The following PML variants were observed in gnomAD, a reference collection of about 807,000 sequenced individuals.
PML encodes protein PML.
PML carries 28 observed loss-of-function variants against 65.2 expected under a neutral mutation model. The observed-to-expected ratio is 0.43, with a 90% CI of 0.32 to 0.59. The LOEUF (loss-of-function observed/expected upper bound fraction) is 0.59. Among genes scored for constraint, PML ranks in the 20% least tolerant of loss-of-function variants. The probability of loss-of-function intolerance (pLI) is 0.08; values close to 1 mark genes in which losing one functional copy is unlikely to be tolerated. For missense variants in PML, 1,021 were observed against 1,203.4 expected (o/e 0.85, Z 2.24); for synonymous variants, 500 against 508.8 (o/e 0.98, Z 0.23).
At chr15:73,999,409 T>G (rs1044585348) in intron 2 of PML, among the ~76,000 whole-genome samples, 3 of 152,226 alleles carry the variant, frequency 2.0e-5, no homozygotes, top group African/African-American at 7.2e-5. Flanking sequence ...ACATATTTGC[T>G]GAACTACATA....
At chr15:74,000,693 T>C (rs2069721557) in intron 2 of PML, among the ~76,000 whole-genome samples, 1 of 152,228 alleles carries the variant, frequency 6.6e-6, no homozygotes, top group Admixed American at 6.5e-5. Flanking sequence ...TTTACTATAT[T>C]TTTGAATTTG....
intron 2 of PML, among the ~76,000 whole-genome samples, chr15:74,006,728 C>A (rs1165370393): frequency 6.6e-6 from 1 of 152,102 alleles, no homozygotes; most frequent in Non-Finnish European, 1.5e-5. Flanking sequence ...GCATGCTGTA[C>A]AATCATGGCA....
In PML at chr15:74,046,980, C is replaced by G; in HGVS notation, c.*1972C>G. The stretch of plus-strand genomic sequence containing the variant: ...TGAGCCTTAAGCATGTGAATCCCCC[C>G]ACATGACAAGTGGGGAGACCCAGGG... On this transcript the variant is annotated 3_prime_UTR_variant, in exon 9 of 9. Transcript: ENST00000268058. 1 of 229,772 alleles carries G rather than the reference C, an allele frequency of 4.4e-6. No homozygotes were observed. The allele number at this position is 229,772 out of a possible 1,614,324, so 14.2% of individuals were successfully genotyped here.
rs2071536806 is a variant in PML at position 74,035,873 on chromosome 15, A to G, written c.1710+1343A>G. On this transcript the variant is annotated intron_variant, in intron 7 of 8. Transcript: ENST00000268058. The surrounding 1 kb of genome is among the most constrained non-coding windows in gnomAD (Gnocchi z 4.1). ...TCCAAGTGCCTCTGGAAGCCTCTCC[A>G]ATTACATTCCCACCACCCTGTGCCC... 6.2e-7 allele frequency: 1 copy of G among 1,613,692 alleles called. No individual in the cohort carries two copies. Among genetic ancestry groups the G allele is most frequent in the East Asian group, 2.2e-5 (1 of 44,834 alleles).
chr15:74,034,134 A>G (rs1052068857), intron 6 of PML: 1 of 418,540 alleles, frequency 2.4e-6, no homozygotes, highest in Admixed American at 3.7e-5. Context: ...TGGAGCTGAG[A>G]ATGGGGACAG....
Position 74,023,216 on chromosome 15 carries a change from G to A in PML, c.991G>A (p.Ala331Thr), listed in dbSNP as rs765004499. 6.2e-7 allele frequency: 1 copy of A among 1,609,952 alleles called. No homozygotes were observed. The highest frequency in any genetic ancestry group is 8.5e-7 in the Non-Finnish European group (1 of 1,178,838). Residue 331 changes from alanine (A) to threonine (T), a missense_variant, in exon 3 of 9, where the codon GCG becomes ACG. By Grantham distance (58) the Ala-to-Thr change is moderately conservative. Transcript: ENST00000268058. ...AVLQRIRTGS[A>T]LVQRMKCYAS... ...GCTGCAGCGCATCCGCACGGGCAGC[G>A]CGCTGGTGCAGAGGATGAAGTGCTA...
chr15:74,039,000 C>G (rs954820703), intron 7 of PML, among the ~76,000 whole-genome samples: 1 of 152,236 alleles, frequency 6.6e-6, no homozygotes, highest in Admixed American at 6.5e-5. Context: ...TGCGCCTGCC[C>G]TGGGGCCCCT....
At chr15:74,006,376 G>A in intron 2 of PML, among the ~76,000 whole-genome samples, 1 of 128,282 alleles carries the variant, frequency 7.8e-6, no homozygotes, top group East Asian at 2.3e-4. Context: ...GGGCGACAGA[G>A]CGAGACTCCG....
chr15:74,014,574 C>A (rs1156359467), intron 2 of PML, among the ~76,000 whole-genome samples: 1 of 151,716 alleles, frequency 6.6e-6, no homozygotes, highest in Non-Finnish European at 1.5e-5. Context: ...CGAGCCTGAC[C>A]AATATGGTGA....
intron 4 of PML, chr15:74,026,046 A>T (rs995975417): frequency 2.0e-5 from 3 of 152,372 alleles, no homozygotes; most frequent in African/African-American, 7.2e-5. Flanking sequence ...GCCAGGCAAG[A>T]GCATGGAGTC....
In PML at chr15:74,024,919, G is replaced by A. The variant is rs766326578; in HGVS notation, c.1246G>A (p.Val416Ile). The change falls in exon 4 of 9, where the codon GTT becomes ATT. Residue 416 changes from valine to isoleucine, a missense_variant. Coordinates refer to ENST00000268058, the MANE Select transcript of PML (RefSeq NM_033238.3). ...CAGCACTCCCAGGGACCCTATTGAC[G>A]TTGACCTGGTGAGATGGGTTTGAGG... ...AASTPRDPID[V>I]DLPEEAERVK... The A allele has an allele frequency of 6.2e-6, 10 of 1,612,502 alleles. No homozygotes were observed. The African/African-American group carries it at 9.3e-5, about 15-fold the overall frequency.
At position 73,998,017 on chromosome 15, in the gene PML, C is replaced by G; in HGVS notation, c.143C>G (p.Ser48Trp). 6.2e-7 allele frequency: 1 copy of G among 1,612,126 alleles called. No individual in the cohort carries two copies. Among genetic ancestry groups the G allele is most frequent in the Non-Finnish European group, 8.5e-7 (1 of 1,179,780 alleles). Residue 48 changes from serine (S) to tryptophan (W), a missense_variant, in exon 2 of 9, where the codon TCG (serine) becomes TGG (tryptophan). Physicochemically the swap from Ser to Trp is radical, Grantham distance 177 (BLOSUM62 -3). Transcript: ENST00000268058. ...CTGGTCCCCCAGCGAGCCCCCGCTTCGGAGGAGGAGTTCCAGTTTCTGCGC... is the reference window on the plus strand; with the variant it reads ...CTGGTCCCCCAGCGAGCCCCCGCTTGGGAGGAGGAGTTCCAGTTTCTGCGC... ...SPSPTERAPA[S>W]EEEFQFLRCQ...
chr15:74,022,791 G>T, intron 2 of PML, 37 bp from the exon 3 acceptor site: 1 of 1,547,794 alleles, frequency 6.5e-7, no homozygotes, highest in Non-Finnish European at 8.9e-7. Flanking sequence ...AAAAAGTCAG[G>T]AGAGTCCTAA....
chr15:74,005,937 C>T (rs2070024661), intron 2 of PML, among the ~76,000 whole-genome samples: 1 of 152,168 alleles, frequency 6.6e-6, no homozygotes, highest in South Asian at 2.1e-4. Context: ...CCGCTCCCCA[C>T]GAGCCCCAGA....
chr15:74,000,754 A>G (rs1200356735), intron 2 of PML, among the ~76,000 whole-genome samples: 1 of 151,864 alleles, frequency 6.6e-6, no homozygotes, highest in Non-Finnish European at 1.5e-5. Context: ...TCGCCTGAAT[A>G]TTTTTGATCC....
intron 2 of PML, among the ~76,000 whole-genome samples, chr15:74,002,524 A>ACCT (rs539239848): frequency 4.3e-5 from 6 of 140,186 alleles, no homozygotes; most frequent in Admixed American, 1.4e-4. Context: ...GCTCACTGCA[A>ACCT]CCTCCTCCTC....
At chr15:74,011,497 G>A (rs2070331946) in intron 2 of PML, among the ~76,000 whole-genome samples, 1 of 152,186 alleles carries the variant, frequency 6.6e-6, no homozygotes, top group Non-Finnish European at 1.5e-5. Flanking sequence ...AAACACTCCA[G>A]GTATATGGAA....
intron 4 of PML, among the ~76,000 whole-genome samples, chr15:74,029,587 A>G (rs1365714870): frequency 6.6e-6 from 1 of 152,178 alleles, no homozygotes; most frequent in Non-Finnish European, 1.5e-5. Flanking sequence ...TTATGCCACT[A>G]TACTCCAGCC....
At chr15:73,998,519 A>C (rs757840692) in intron 2 of PML, 43 bp downstream of exon 2, 7 of 1,530,764 alleles carry the variant, frequency 4.6e-6, no homozygotes, top group Non-Finnish European at 3.6e-6. Flanking sequence ...TCCAAGTACC[A>C]GGTAGAGGGC....
Sources: allele counts gnomAD v4.1 joint callset (sites outside exome capture counted in the v4.1 genomes callset), GRCh38; gene constraint gnomAD v4.1.1; non-coding constraint Gnocchi (gnomAD v3.1); transcripts MANE v1.5; gene names NCBI Gene and HGNC (gene_info 2026-07-23, HGNC 2026-07-21).